The following L3MBTL4 variants were observed in gnomAD, a reference collection of about 807,000 sequenced individuals.
L3MBTL4 encodes the protein L3MBTL histone methyl-lysine binding protein 4, also known as lethal(3)malignant brain tumor-like protein 4.
A neutral mutation model predicts 84.5 loss-of-function variants in L3MBTL4; 70 were observed. The ratio of observed to expected loss-of-function variants is 0.83; its 90% CI spans 0.68 to 1.01. L3MBTL4 has a LOEUF of 1.01. Ranked by LOEUF, L3MBTL4 falls within the 50% of genes least tolerant of loss-of-function variation. The probability of loss-of-function intolerance (pLI) is 0.00; values close to 1 mark genes in which losing one functional copy is unlikely to be tolerated. For synonymous variants in L3MBTL4, 274 were observed against 259.8 expected, an observed-to-expected ratio of 1.05 and a Z score of -0.52; for missense variants, 715 against 754.8, an observed-to-expected ratio of 0.95 and a Z score of 0.62.
intron 13 of L3MBTL4, among the ~76,000 whole-genome samples, chr18:6,158,136 C>A (rs951329169): frequency 2.0e-5 from 3 of 152,284 alleles, no homozygotes; most frequent in South Asian, 2.1e-4. Context: ...AATATATAGA[C>A]AAATGTTTTT....
intron 16 of L3MBTL4, among the ~76,000 whole-genome samples, chr18:6,024,892 T>C (rs2055433646): frequency 6.6e-6 from 1 of 152,222 alleles, no homozygotes; most frequent in South Asian, 2.1e-4. Context: ...TTTATGACTG[T>C]GAAAAGGTCA....
intron 16 of L3MBTL4, among the ~76,000 whole-genome samples, chr18:6,033,571 A>ACTTGTAATTACGATTACATTT (rs2055949020): frequency 2.6e-5 from 4 of 152,216 alleles, no homozygotes; most frequent in Non-Finnish European, 5.9e-5. Context: ...CGATTACATT[A>ACTTGTAATTACGATTACATTT]CTTGTAATTA....
intron 16 of L3MBTL4, chr18:6,046,649 G>A: frequency 1.4e-6 from 1 of 691,442 alleles, no homozygotes. Flanking sequence ...GCACCTGAAT[G>A]ACTTTTAGGT....
rs73938743 is a variant in L3MBTL4, at chr18:6,115,106, G to A, written c.1200-21578C>T. Among the ~76,000 whole-genome samples the A allele has an allele frequency of 8.4e-3, 1,280 of 152,318 alleles. 15 individuals are homozygous for A. The highest frequency in any genetic ancestry group is 0.027 in the African/African-American group (1,129 of 41,568). On this transcript the variant is annotated intron_variant, in intron 14 of 18. Transcript: ENST00000317931. ...GCAAGCTCATTTTGAAGGAGATGGC[G>A]TGTAGCACATTCCAGAGCTTGAGTG...
intron 6 of L3MBTL4, among the ~76,000 whole-genome samples, chr18:6,243,645 C>T (rs2047542061): frequency 6.6e-6 from 1 of 152,162 alleles, no homozygotes; most frequent in Non-Finnish European, 1.5e-5. Context: ...GTGCATTCTG[C>T]AAAATAGTGA....
chr18:6,009,488 A>G (rs1015516568), intron 16 of L3MBTL4, among the ~76,000 whole-genome samples: 1 of 152,170 alleles, frequency 6.6e-6, no homozygotes, highest in Admixed American at 6.5e-5. Context: ...AAGGTCCTAA[A>G]GGCCAGTTTT....
chr18:6,185,683 A>T (rs921575494), intron 12 of L3MBTL4, among the ~76,000 whole-genome samples: 2 of 152,208 alleles, frequency 1.3e-5, no homozygotes, highest in African/African-American at 4.8e-5. Flanking sequence ...CAAGTCTACA[A>T]GAAATCCTGA....
At chr18:6,189,654 A>T (rs1224308253) in intron 12 of L3MBTL4, among the ~76,000 whole-genome samples, 2 of 152,260 alleles carry the variant, frequency 1.3e-5, no homozygotes, top group African/African-American at 2.4e-5. Flanking sequence ...AAGAAAATGG[A>T]TATAAAGTTG....
chr18:6,034,627 T>C (rs554751888), intron 16 of L3MBTL4, among the ~76,000 whole-genome samples: 1 of 152,322 alleles, frequency 6.6e-6, no homozygotes, highest in East Asian at 1.9e-4. Flanking sequence ...TGTGTCTTTA[T>C]AGCAGCATGA....
At chr18:6,354,904 C>T (rs1270628422) in intron 1 of L3MBTL4, among the ~76,000 whole-genome samples, 4 of 152,098 alleles carry the variant, frequency 2.6e-5, no homozygotes, top group African/African-American at 9.7e-5. Flanking sequence ...AATAGAGTTA[C>T]CATATAATCC....
intron 15 of L3MBTL4, among the ~76,000 whole-genome samples, chr18:6,090,826 G>C (rs1459615210): frequency 3.4e-5 from 5 of 148,734 alleles, no homozygotes; most frequent in South Asian, 2.1e-4. Flanking sequence ...GTAGAGATGG[G>C]GTTTCATGAT....
intron 12 of L3MBTL4, among the ~76,000 whole-genome samples, chr18:6,184,654 A>T (rs2085107283): frequency 6.6e-6 from 1 of 152,218 alleles, no homozygotes; most frequent in Admixed American, 6.5e-5. Flanking sequence ...TCTTGGCTAT[A>T]ATGACTAAGA....
rs10664833 is a variant in L3MBTL4 at position 5,980,430 on chromosome 18, C to CTTTTTTTTTTT, written c.1445-10879_1445-10869dup. ...AAACGTATAAATAAATTAGTTTGCG[C>CTTTTTTTTTTT]TTTTTTTTTTTTTTTTTTGAGATGG... On this transcript the variant is annotated intron_variant, in intron 16 of 18. Coordinates refer to ENST00000317931, the MANE Select transcript of L3MBTL4 (RefSeq NM_001330559.2). 3.3e-5 allele frequency among the ~76,000 whole-genome samples: 4 copies of CTTTTTTTTTTT among 123,048 alleles called. 1 individual carries two copies. Among genetic ancestry groups the CTTTTTTTTTTT allele is most frequent in the Non-Finnish European group, 4.9e-5 (3 of 60,760 alleles). 80.7% of individuals were successfully genotyped at this position (123,048 alleles called of 152,430 possible).
chr18:6,131,822 T>G (rs2059887915), intron 14 of L3MBTL4, among the ~76,000 whole-genome samples: 1 of 152,192 alleles, frequency 6.6e-6, no homozygotes, highest in South Asian at 2.1e-4. Flanking sequence ...ACTTTTAATC[T>G]TTTAGAGCTA....
chr18:6,335,095 T>C (rs1447661812), intron 1 of L3MBTL4, among the ~76,000 whole-genome samples: 1 of 152,210 alleles, frequency 6.6e-6, no homozygotes, highest in Non-Finnish European at 1.5e-5. Flanking sequence ...TTTTACTTTA[T>C]TTATTCATTT....
intron 1 of L3MBTL4, among the ~76,000 whole-genome samples, chr18:6,324,994 A>C (rs1220493483): frequency 1.3e-5 from 2 of 152,180 alleles, no homozygotes; most frequent in East Asian, 1.9e-4. Flanking sequence ...AAAATTAAGA[A>C]GTCTGTCACT....
At chr18:6,374,481 G>A (rs1181968735) in intron 1 of L3MBTL4, 1 of 154,792 alleles carries the variant, frequency 6.5e-6, no homozygotes, top group East Asian at 1.9e-4. Context: ...TTTCTTTTGT[G>A]GGATTGTGCC....
intron 5 of L3MBTL4, among the ~76,000 whole-genome samples, chr18:6,252,552 G>T (rs1242074992): frequency 2.0e-5 from 3 of 152,096 alleles, no homozygotes; most frequent in African/African-American, 7.2e-5. Context: ...GACAGAGAGA[G>T]ACCCTTTTAT....
intron 14 of L3MBTL4, among the ~76,000 whole-genome samples, 156 bp downstream of exon 14, chr18:6,138,038 G>A (rs1027898596): frequency 1.3e-5 from 2 of 152,184 alleles, no homozygotes; most frequent in Admixed American, 1.3e-4. Flanking sequence ...TTGGCAGGCA[G>A]AGGAAAATGT....
Sources: gnomAD v4.1 joint callset for allele counts (sites outside exome capture counted in the v4.1 genomes callset) on GRCh38, gnomAD v4.1.1 for gene constraint, MANE v1.5 for transcripts, NCBI Gene and HGNC (gene_info 2026-07-23, HGNC 2026-07-21) for gene names.